Variants in POLR3H observed in about 807,000 individuals in gnomAD.
The protein encoded by POLR3H is DNA-directed RNA polymerase III subunit RPC8.
A neutral mutation model predicts 25.5 loss-of-function variants in POLR3H; 17 were observed. The ratio of observed to expected loss-of-function variants is 0.67; its 90% CI spans 0.46 to 1.00. The LOEUF is 1.00. Ranked by LOEUF, POLR3H falls within the 50% of genes least tolerant of loss-of-function variation. POLR3H has a pLI of 0.00. For missense variants in POLR3H, 274 were observed against 265.0 expected (o/e 1.03, Z -0.24); for synonymous variants, 129 against 103.0 (o/e 1.25, Z -1.53).
At chr22:41,538,739 A>C (rs1253604168) in intron 2 of POLR3H, among the ~76,000 whole-genome samples, 1 of 152,122 alleles carries the variant, frequency 6.6e-6, no homozygotes, top group East Asian at 1.9e-4. Flanking sequence ...TGCTAATGAA[A>C]ATGCTCCTAG....
rs2066983099 is a variant in POLR3H, at chr22:41,544,280, T to C, written c.-179A>G. On this transcript the variant is annotated 5_prime_UTR_variant, in exon 1 of 6. An upstream start codon of the reference 5' UTR is lost. Coordinates refer to ENST00000355209, the MANE Select transcript of POLR3H (RefSeq NM_001018050.4). ...CGGGCCATGCTCCGCTACTACAACA[T>C]GAGGAAACTGAGGCCAGAGGGAGGC... 1.8e-6 allele frequency: 1 copy of C among 546,990 alleles called. No individual in the cohort carries two copies. The highest frequency in any genetic ancestry group is 3.3e-6 in the Non-Finnish European group (1 of 306,452). The allele number at this position is 546,990 out of a possible 1,614,324, so 33.9% of individuals were successfully genotyped here. A position where few individuals can be genotyped will look rare whatever the true frequency, so the allele number is the denominator to read the frequency against.
chr22:41,543,362 G>A (rs1349802191), intron 1 of POLR3H, among the ~76,000 whole-genome samples: 1 of 151,906 alleles, frequency 6.6e-6, no homozygotes, highest in Non-Finnish European at 1.5e-5. Context: ...AGGCGATGGC[G>A]CACACCTGTA....
At position 41,528,078 on chromosome 22, in the gene POLR3H, C is replaced by T. The variant is rs1244081616; in HGVS notation, c.*1205G>A. The T allele has an allele frequency of 1.2e-6, 2 of 1,610,460 alleles. No homozygotes were observed. The highest frequency in any genetic ancestry group is 1.3e-5 in the African/African-American group (1 of 74,796). On this transcript the variant is annotated 3_prime_UTR_variant, in exon 6 of 6. Transcript: ENST00000355209. ...GGGTGAGGGGCAGCCACCTTGTTTC[C>T]CCTCCTGCACTGGCCCCAGGGTAGC...
At chr22:41,537,536 A>G (rs540570982) in intron 2 of POLR3H, among the ~76,000 whole-genome samples, 7 of 152,306 alleles carry the variant, frequency 4.6e-5, no homozygotes, top group South Asian at 4.1e-4. Context: ...CCACAAAATC[A>G]CAGTTCACCC....
At position 41,529,049 on chromosome 22, in the gene POLR3H, CA is replaced by C. The variant is rs2066666654; in HGVS notation, c.*233del. 3 of 569,250 alleles carry C rather than the reference CA, an allele frequency of 5.3e-6. No individual in the cohort carries two copies. The South Asian group carries it at 6.7e-5, about 13-fold the overall frequency. 35.3% of individuals were successfully genotyped at this position (569,250 alleles called of 1,614,324 possible). On this transcript the variant is annotated 3_prime_UTR_variant, in exon 6 of 6. Transcript: ENST00000355209. ...AGGGTCCAGGAAGGGTCTTTTCAGT[CA>C]AGGTCAGTGGAGGCCCAACAGCCAC...
At chr22:41,533,812 C>T (rs983529468) in intron 2 of POLR3H, 5 of 766,054 alleles carry the variant, frequency 6.5e-6, no homozygotes, top group Non-Finnish European at 9.7e-6. Context: ...AACCCTGTCC[C>T]CCACATGGCC....
intron 4 of POLR3H, 110 bp downstream of exon 4, chr22:41,531,984 G>A (rs2066745006): frequency 2.2e-6 from 2 of 922,904 alleles, no homozygotes; most frequent in African/African-American, 1.6e-5. Context: ...CAGGCACAGA[G>A]GCCAGTGACA....
At chr22:41,543,871 T>G (rs748964172) in intron 1 of POLR3H, 120 bp downstream of exon 1, 4 of 741,974 alleles carry the variant, frequency 5.4e-6, no homozygotes, top group Non-Finnish European at 9.8e-6. Context: ...AGAAAAGTTC[T>G]GAGACATTAA....
At chr22:41,531,996 C>T (rs145071425) in intron 4 of POLR3H, 98 bp downstream of exon 4, 23 of 1,037,144 alleles carry the variant, frequency 2.2e-5, no homozygotes, top group African/African-American at 2.2e-4. Context: ...CCAGTGACAT[C>T]AGGTTACAGG....
At chr22:41,542,677 T>C (rs376007194) in intron 1 of POLR3H, among the ~76,000 whole-genome samples, 5 of 152,250 alleles carry the variant, frequency 3.3e-5, no homozygotes, top group African/African-American at 1.2e-4. Flanking sequence ...CACCACACTA[T>C]AGCACAGAGC....
rs763649482 is a variant in POLR3H at position 41,527,700 on chromosome 22, C to G, written c.*1583G>C. 7.1e-6 allele frequency: 6 copies of G among 846,924 alleles called. No homozygotes were observed. The highest frequency in any genetic ancestry group is 9.0e-6 in the Non-Finnish European group (5 of 558,082). 52.5% of individuals were successfully genotyped at this position (846,924 alleles called of 1,614,324 possible). On this transcript the variant is annotated 3_prime_UTR_variant, in exon 6 of 6. Coordinates refer to ENST00000355209, the MANE Select transcript of POLR3H (RefSeq NM_001018050.4). ...TGATCATGAATGTGCAGCAGGAAGG[C>G]CTCGCAGACCTCAGCACCAGCGCAC...
chr22:41,534,287 G>A (rs868308549), intron 2 of POLR3H, among the ~76,000 whole-genome samples: 4 of 152,148 alleles, frequency 2.6e-5, no homozygotes, highest in African/African-American at 7.2e-5. Context: ...CTGGGCACCC[G>A]GAGTCCCCCA....
chr22:41,527,456 C>T lies in POLR3H; in HGVS notation c.*1827G>A, dbSNP rs375189553. On this transcript the variant is annotated 3_prime_UTR_variant, in exon 6 of 6. Transcript: ENST00000355209. ...GTCTGTACCCAGGCCATCCTCATCC[C>T]ATCCCTAGTGATCAAGGTCACTCTC... The T allele has an allele frequency of 4.4e-6, 7 of 1,578,814 alleles. No individual in the cohort carries two copies. The highest frequency in any genetic ancestry group is 6.0e-6 in the Non-Finnish European group (7 of 1,162,676).
intron 2 of POLR3H, chr22:41,533,586 C>T: frequency 7.7e-7 from 1 of 1,297,558 alleles, no homozygotes; most frequent in Non-Finnish European, 1.0e-6. Flanking sequence ...CACAGGCTTC[C>T]ACGATGCCGT....
chr22:41,540,178 C>A, intron 2 of POLR3H: 1 of 249,876 alleles, frequency 4.0e-6, no homozygotes, highest in Non-Finnish European at 7.9e-6. Context: ...AGTCCCCCAC[C>A]CCCAGCCAGC....
intron 2 of POLR3H, 32 bp from the exon 3 acceptor site, chr22:41,532,777 G>A (rs1422425812): frequency 1.2e-6 from 2 of 1,607,500 alleles, no homozygotes; most frequent in Non-Finnish European, 1.7e-6. Context: ...CAGTGATGCT[G>A]ACCGGGGCCC....
chr22:41,541,828 C>T (rs1226297612), intron 1 of POLR3H, among the ~76,000 whole-genome samples: 1 of 152,186 alleles, frequency 6.6e-6, no homozygotes, highest in Non-Finnish European at 1.5e-5. Flanking sequence ...CATGAGTTCC[C>T]TTCACTATCT....
rs370828997 is a variant in POLR3H, at chr22:41,528,660, G to A, written c.*623C>T. The A allele has an allele frequency of 1.9e-5, 31 of 1,602,030 alleles. 1 individual carries two copies. The highest frequency in any genetic ancestry group is 1.6e-4 in the African/African-American group (12 of 74,784). On this transcript the variant is annotated 3_prime_UTR_variant, in exon 6 of 6. Coordinates refer to ENST00000355209, the MANE Select transcript of POLR3H (RefSeq NM_001018050.4). ...CCGCTGGCGTCAAGTTCAGCTCCACGTGTGCCATCAGTGGATCCGATCCGT... is the reference window on the plus strand; with the variant it reads ...CCGCTGGCGTCAAGTTCAGCTCCACATGTGCCATCAGTGGATCCGATCCGT...
intron 2 of POLR3H, among the ~76,000 whole-genome samples, chr22:41,534,598 G>A (rs1429455101): frequency 6.6e-6 from 1 of 152,042 alleles, no homozygotes; most frequent in African/African-American, 2.4e-5. Context: ...TGATAAAAAC[G>A]CTGTGGAATG....
Sources: gnomAD v4.1 joint callset for allele counts (sites outside exome capture counted in the v4.1 genomes callset) on GRCh38, gnomAD v4.1.1 for gene constraint, MANE v1.5 for transcripts, NCBI Gene and HGNC (gene_info 2026-07-23, HGNC 2026-07-21) for gene names.